The following FTH1 variants were observed in gnomAD, a reference collection of about 807,000 sequenced individuals.
FTH1 encodes ferritin heavy chain.
A neutral mutation model predicts 21.8 loss-of-function variants in FTH1; 3 were observed. That is an observed-to-expected ratio of 0.14 (90% CI 0.06 to 0.36). The LOEUF (loss-of-function observed/expected upper bound fraction) is 0.36. Among genes scored for constraint, FTH1 ranks in the 10% least tolerant of loss-of-function variants. The pLI, the probability that FTH1 is intolerant of heterozygous loss-of-function variation, is 1.00. For missense variants in FTH1, 147 were observed against 225.8 expected, an observed-to-expected ratio of 0.65 and a Z score of 2.24; for synonymous variants, 83 against 90.1, an observed-to-expected ratio of 0.92 and a Z score of 0.45.
intron 1 of FTH1, among the ~76,000 whole-genome samples, chr11:61,966,797 A>G (rs1436290666): frequency 6.6e-6 from 1 of 152,214 alleles, no homozygotes; most frequent in East Asian, 1.9e-4. Context: ...AGAGGTGGAT[A>G]CGGCTGCTCG....
Position 61,964,765 on chromosome 11 carries a change from C to T in FTH1, c.514G>A (p.Asp172Asn), listed in dbSNP as rs367593479. Residue 172 changes from aspartate to asparagine, a missense_variant, in exon 4 of 4, where the codon GAC (aspartate) becomes AAC (asparagine). Coordinates refer to ENST00000273550, the MANE Select transcript of FTH1 (RefSeq NM_002032.3). Reference protein sequence around the residue: ...PESGLAEYLFDKHTLGDSDNE... With the variant: ...PESGLAEYLFNKHTLGDSDNE... ...TCACTGTCTCCCAGGGTGTGCTTGT[C>T]AAAGAGATATTCCGCCAAGCCAGAT... 2.5e-5 allele frequency: 40 copies of T among 1,599,416 alleles called. No individual in the cohort carries two copies. The African/African-American group carries it at 3.6e-4, about 14-fold the overall frequency.
chr11:61,964,458 C>T lies in FTH1; in HGVS notation c.*269G>A, dbSNP rs1352812155. Reference sequence around the variant, plus strand: ...AATGAGTTTAATAAATACAAATACTCGTTTCTTTTTGATTAGTGTGATTAG... The same window carrying T: ...AATGAGTTTAATAAATACAAATACTTGTTTCTTTTTGATTAGTGTGATTAG... On this transcript the variant is annotated 3_prime_UTR_variant, in exon 4 of 4. Coordinates refer to ENST00000273550, the MANE Select transcript of FTH1 (RefSeq NM_002032.3). 8.2e-6 allele frequency: 5 copies of T among 612,536 alleles called. No individual in the cohort carries two copies. The highest frequency in any genetic ancestry group is 2.8e-5 in the East Asian group (1 of 35,568). The allele number at this position is 612,536 out of a possible 1,614,324, so 37.9% of individuals were successfully genotyped here.
At position 61,964,285 on chromosome 11, in the gene FTH1, T is replaced by C; in HGVS notation, c.*442A>G. 7.2e-7 allele frequency: 1 copy of C among 1,387,342 alleles called. No individual in the cohort carries two copies. The highest frequency in any genetic ancestry group is 9.7e-7 in the Non-Finnish European group (1 of 1,027,028). The allele number at this position is 1,387,342 out of a possible 1,614,324, so 85.9% of individuals were successfully genotyped here. A position where few individuals can be genotyped will look rare whatever the true frequency, so the allele number is the denominator to read the frequency against. ...TTAATAGATAAAAATCCCAGACTAC[T>C]TCAGCCTTTAATGCCTTTTATTCAT... On this transcript the variant is annotated 3_prime_UTR_variant, in exon 4 of 4. Transcript: ENST00000273550.
In FTH1 at chr11:61,964,291, C is replaced by T; in HGVS notation, c.*436G>A. Reference sequence around the variant, plus strand: ...GATAAAAATCCCAGACTACTTCAGCCTTTAATGCCTTTTATTCATAAAAAC... The same window carrying T: ...GATAAAAATCCCAGACTACTTCAGCTTTTAATGCCTTTTATTCATAAAAAC... On this transcript the variant is annotated 3_prime_UTR_variant, in exon 4 of 4. Coordinates refer to ENST00000273550, the MANE Select transcript of FTH1 (RefSeq NM_002032.3). 2 of 1,268,890 alleles carry T rather than the reference C, an allele frequency of 1.6e-6. No individual in the cohort carries two copies. The highest frequency in any genetic ancestry group is 2.5e-5 in the East Asian group (1 of 39,698). 78.6% of individuals were successfully genotyped at this position (1,268,890 alleles called of 1,614,324 possible). A position where few individuals can be genotyped will look rare whatever the true frequency, so the allele number is the denominator to read the frequency against.
Position 61,965,044 on chromosome 11 carries a change from A to AT in FTH1, c.329dup (p.Asn110LysfsTer15). ...GCAGTTCCAGTAGTGACTGATTCAC[A>AT]TTTTTTTCCAAATGTAATGCACACT... On this transcript the variant is annotated frameshift_variant, in exon 3 of 4. Transcript: ENST00000273550. LOFTEE classifies it high-confidence loss of function. 6.2e-7 allele frequency: 1 copy of AT among 1,612,822 alleles called. No homozygotes were observed. Among genetic ancestry groups the AT allele is most frequent in the South Asian group, 1.1e-5 (1 of 91,076 alleles).
Position 61,964,530 on chromosome 11 carries a change from T to C in FTH1, c.*197A>G, listed in dbSNP as rs1011951354. ...GAATCTGGAAGATAGCCTGGATAGA[T>C]TTCTGATTCATCCCAAGACCTCAAA... On this transcript the variant is annotated 3_prime_UTR_variant, in exon 4 of 4. Transcript: ENST00000273550. 54 of 674,122 alleles carry C rather than the reference T, an allele frequency of 8.0e-5. No homozygotes were observed. Among genetic ancestry groups the C allele is most frequent in the Middle Eastern group, 4.0e-4 (1 of 2,512 alleles). The allele number at this position is 674,122 out of a possible 1,614,324, so 41.8% of individuals were successfully genotyped here.
Position 61,967,440 on chromosome 11 carries a change from A to C in FTH1, c.-15T>G. 6.4e-7 allele frequency: 1 copy of C among 1,571,116 alleles called. No homozygotes were observed. Among genetic ancestry groups the C allele is most frequent in the Non-Finnish European group, 8.7e-7 (1 of 1,155,586 alleles). On this transcript the variant is annotated 5_prime_UTR_variant, in exon 1 of 4. Coordinates refer to ENST00000273550, the MANE Select transcript of FTH1 (RefSeq NM_002032.3). ...GCGGTCGTCATGGCGGCGACTAAGG[A>C]GAGGCGGCGGCGGCGGCGGTGGCTG...
intron 1 of FTH1, among the ~76,000 whole-genome samples, chr11:61,966,153 A>T (rs1026959623): frequency 2.6e-5 from 4 of 152,078 alleles, no homozygotes; most frequent in Non-Finnish European, 5.9e-5. Context: ...GTGCGCCTGT[A>T]ATTCCAGCTA....
At chr11:61,965,618 TTCTCAAAG>T (rs763853392) in intron 1 of FTH1, 103 bp from the exon 2 acceptor site, 22 of 1,280,126 alleles carry the variant, frequency 1.7e-5, no homozygotes, top group Non-Finnish European at 2.5e-5. Flanking sequence ...TAGGCTTCCT[TTCTCAAAG>T]CACAGCATGA....
At position 61,964,325 on chromosome 11, in the gene FTH1, C is replaced by A; in HGVS notation, c.*402G>T. ...CTTTTATTCATAAAAACTGTGAAAG[C>A]TAGACTGAACCATTGGAAACATTTA... On this transcript the variant is annotated 3_prime_UTR_variant, in exon 4 of 4. Coordinates refer to ENST00000273550, the MANE Select transcript of FTH1 (RefSeq NM_002032.3). 1.0e-6 allele frequency: 1 copy of A among 1,003,140 alleles called. No individual in the cohort carries two copies. Among genetic ancestry groups the A allele is most frequent in the Non-Finnish European group, 1.4e-6 (1 of 700,074 alleles). 62.1% of individuals were successfully genotyped at this position (1,003,140 alleles called of 1,614,324 possible).
intron 1 of FTH1, among the ~76,000 whole-genome samples, chr11:61,965,890 T>C (rs1942446871): frequency 2.6e-5 from 4 of 152,144 alleles, no homozygotes; most frequent in Admixed American, 2.6e-4. Flanking sequence ...ACTTAGTCCT[T>C]TTCTCCTCCC....
chr11:61,964,344 A>C lies in FTH1; in HGVS notation c.*383T>G. On this transcript the variant is annotated 3_prime_UTR_variant, in exon 4 of 4. Coordinates refer to ENST00000273550, the MANE Select transcript of FTH1 (RefSeq NM_002032.3). ...TGAAAGCTAGACTGAACCATTGGAA[A>C]CATTTAACTCAGACTCTGGATTCAG... The C allele has an allele frequency of 1.1e-6, 1 of 895,030 alleles. No individual in the cohort carries two copies. The highest frequency in any genetic ancestry group is 1.7e-6 in the Non-Finnish European group (1 of 604,740). The allele number at this position is 895,030 out of a possible 1,614,324, so 55.4% of individuals were successfully genotyped here. A position where few individuals can be genotyped will look rare whatever the true frequency, so the allele number is the denominator to read the frequency against.
chr11:61,964,310 T>C lies in FTH1; in HGVS notation c.*417A>G, dbSNP rs1565047792. 7.0e-6 allele frequency: 8 copies of C among 1,147,602 alleles called. No homozygotes were observed. The highest frequency in any genetic ancestry group is 1.2e-6 in the Non-Finnish European group (1 of 826,364). 71.1% of individuals were successfully genotyped at this position (1,147,602 alleles called of 1,614,324 possible). On this transcript the variant is annotated 3_prime_UTR_variant, in exon 4 of 4. Coordinates refer to ENST00000273550, the MANE Select transcript of FTH1 (RefSeq NM_002032.3). ...TTCAGCCTTTAATGCCTTTTATTCA[T>C]AAAAACTGTGAAAGCTAGACTGAAC... is the stretch of plus-strand genomic sequence containing the variant.
At chr11:61,966,050 G>A (rs921080904) in intron 1 of FTH1, among the ~76,000 whole-genome samples, 7 of 152,160 alleles carry the variant, frequency 4.6e-5, no homozygotes, top group African/African-American at 1.4e-4. Flanking sequence ...CGAGGCAGGC[G>A]GATCACGAGG....
chr11:61,964,801 C>T lies in FTH1; in HGVS notation c.478G>A (p.Gly160Arg). The T allele has an allele frequency of 6.2e-7, 1 of 1,600,106 alleles. No individual in the cohort carries two copies. ...TCCGCCAAGCCAGATTCGGGCGCTCCCATCTTGCGCAAGTTGGTCACGTGG... is the reference window on the plus strand; with the variant it reads ...TCCGCCAAGCCAGATTCGGGCGCTCTCATCTTGCGCAAGTTGGTCACGTGG... ...GDHVTNLRKM[G>R]APESGLAEYL... The change falls in exon 4 of 4, where the codon GGA (glycine) becomes AGA (arginine). Residue 160 changes from glycine (G) to arginine (R), a missense_variant. Gly to Arg is a moderately radical substitution (Grantham distance 125). Coordinates refer to ENST00000273550, the MANE Select transcript of FTH1 (RefSeq NM_002032.3).
chr11:61,966,359 A>G (rs185495199), intron 1 of FTH1, among the ~76,000 whole-genome samples: 3 of 152,366 alleles, frequency 2.0e-5, no homozygotes, highest in East Asian at 1.9e-4. Flanking sequence ...TATAATAGTT[A>G]TATCACAAAA....
In FTH1 at chr11:61,965,491, C is replaced by T. The variant is rs1181573342; in HGVS notation, c.139G>A (p.Val47Met). Residue 47 changes from valine (V) to methionine (M), a missense_variant, in exon 2 of 4, where the codon GTG (valine) becomes ATG (methionine). By Grantham distance (21) the Val-to-Met change is conservative. Transcript: ENST00000273550. Reference sequence around the variant, plus strand: ...TATTTGGCAAAGTTCTTCAAAGCCACATCATCGCGGTCAAAGTAGTAAGAC... The same window carrying T: ...TATTTGGCAAAGTTCTTCAAAGCCATATCATCGCGGTCAAAGTAGTAAGAC... ...SMSYYFDRDD[V>M]ALKNFAKYFL... 6.2e-7 allele frequency: 1 copy of T among 1,603,494 alleles called. No homozygotes were observed. The highest frequency in any genetic ancestry group is 8.5e-7 in the Non-Finnish European group (1 of 1,179,980).
At chr11:61,966,757 G>T (rs565609341) in intron 1 of FTH1, among the ~76,000 whole-genome samples, 88 of 152,330 alleles carry the variant, frequency 5.8e-4, no homozygotes, top group African/African-American at 2.0e-3. Context: ...ATGCTTCAAA[G>T]CAAGTGGGAC....
Position 61,967,599 on chromosome 11 carries a change from G to A in FTH1, c.-174C>T, listed in dbSNP as rs758012761. On this transcript the variant is annotated 5_prime_UTR_variant, in exon 1 of 4. Transcript: ENST00000273550. ...GTTCCGTCCAAGCACTGTTGAAGCA[G>A]GAAACCCCGACGACTCTCGGCGAAG... The A allele has an allele frequency of 4.1e-5, 28 of 678,528 alleles. No homozygotes were observed. Among genetic ancestry groups the A allele is most frequent in the Middle Eastern group, 7.6e-4 (2 of 2,630 alleles). The allele number at this position is 678,528 out of a possible 1,614,324, so 42.0% of individuals were successfully genotyped here.
Sources: gnomAD v4.1 joint callset for allele counts (sites outside exome capture counted in the v4.1 genomes callset) on GRCh38, gnomAD v4.1.1 for gene constraint, MANE v1.5 for transcripts, NCBI Gene and HGNC (gene_info 2026-07-23, HGNC 2026-07-21) for gene names.